Variants in VEZT observed in about 807,000 individuals in gnomAD.
VEZT encodes the protein vezatin.
VEZT carries 39 observed loss-of-function variants against 79.9 expected under a neutral mutation model. That is an observed-to-expected ratio of 0.49 (90% CI 0.38 to 0.64). The LOEUF (loss-of-function observed/expected upper bound fraction) is 0.64, where lower values mean the gene tolerates loss of function less well. Ranked by LOEUF, VEZT falls within the 30% of genes least tolerant of loss-of-function variation. The probability of loss-of-function intolerance (pLI) is 0.00; values close to 1 mark genes in which losing one functional copy is unlikely to be tolerated. For missense variants in VEZT, 837 were observed against 893.1 expected, an observed-to-expected ratio of 0.94 and a Z score of 0.80; for synonymous variants, 325 against 327.6, an observed-to-expected ratio of 0.99 and a Z score of 0.09.
intron 1 of VEZT, among the ~76,000 whole-genome samples, chr12:95,249,072 C>G (rs1177845482): frequency 6.6e-6 from 1 of 152,244 alleles, no homozygotes; most frequent in African/African-American, 2.4e-5. Context: ...TAGCCATACT[C>G]ATTAGTTTAT....
intron 6 of VEZT, among the ~76,000 whole-genome samples, chr12:95,271,675 G>A (rs1387397661): frequency 6.6e-6 from 1 of 152,204 alleles, no homozygotes; most frequent in Non-Finnish European, 1.5e-5. Context: ...ATCACTAGAC[G>A]TACAGTGGTA....
chr12:95,231,583 C>G (rs2059282987), intron 1 of VEZT: 2 of 151,906 alleles, frequency 1.3e-5, no homozygotes, highest in African/African-American at 4.8e-5. Flanking sequence ...TTTAATGGAC[C>G]CTTTTAGCTT....
rs2065556735 is a variant in VEZT at position 95,266,445 on chromosome 12, A to T, written c.523A>T (p.Ile175Phe). 1 of 1,613,708 alleles carries T rather than the reference A, an allele frequency of 6.2e-7. No homozygotes were observed. The highest frequency in any genetic ancestry group is 1.7e-5 in the Admixed American group (1 of 59,992). ...GTCTTCCTGGCTGGTATGGGGAGTG[A>T]TTCTATTTGTGTATCTGGTCATAAG... ...IVSSWLVWGV[I>F]LFVYLVIRAL... Residue 175 changes from isoleucine (I) to phenylalanine (F), a missense_variant, in exon 5 of 12, where the codon ATT becomes TTT. Physicochemically the swap from Ile to Phe is conservative, Grantham distance 21. Coordinates refer to ENST00000436874, the MANE Select transcript of VEZT (RefSeq NM_017599.4).
intron 7 of VEZT, among the ~76,000 whole-genome samples, chr12:95,281,580 G>A (rs1248854348): frequency 1.4e-5 from 2 of 147,386 alleles, no homozygotes; most frequent in Non-Finnish European, 3.0e-5. Flanking sequence ...GAGTCTTGCT[G>A]TGTCACCCAG....
chr12:95,245,529 T>C (rs1263808879), intron 1 of VEZT: 4 of 456,652 alleles, frequency 8.8e-6, no homozygotes, highest in Non-Finnish European at 1.8e-5. Flanking sequence ...TGCCTACATG[T>C]TGCCTGACAT....
chr12:95,224,579 C>T (rs372658839), intron 1 of VEZT, among the ~76,000 whole-genome samples: 1 of 152,196 alleles, frequency 6.6e-6, no homozygotes, highest in East Asian at 1.9e-4. Flanking sequence ...CTGTAACCCC[C>T]TCTACCCCTA....
intron 4 of VEZT, 112 bp from the exon 5 acceptor site, chr12:95,266,245 C>A: frequency 8.5e-7 from 1 of 1,180,694 alleles, no homozygotes. Context: ...AAGAAGCTAG[C>A]ATTTTATTTA....
intron 2 of VEZT, chr12:95,252,572 G>T (rs1419719474): frequency 2.0e-5 from 3 of 152,180 alleles, no homozygotes; most frequent in Admixed American, 2.0e-4. Context: ...TCGATGTCCA[G>T]CATTGAGGCC....
chr12:95,249,907 T>C (rs948842864), intron 1 of VEZT, among the ~76,000 whole-genome samples: 1 of 133,952 alleles, frequency 7.5e-6, no homozygotes, highest in African/African-American at 3.1e-5. Context: ...ATAAAAATAA[T>C]AATGATAATG....
In VEZT at chr12:95,257,167, A is replaced by C. The variant is rs2063600026; in HGVS notation, c.186A>C (p.Lys62Asn). The C allele has an allele frequency of 6.2e-7, 1 of 1,611,142 alleles. No individual in the cohort carries two copies. Among genetic ancestry groups the C allele is most frequent in the Non-Finnish European group, 8.5e-7 (1 of 1,178,776 alleles). Residue 62 changes from lysine to asparagine, a missense_variant, in exon 3 of 12, where the codon AAA (lysine) becomes AAC (asparagine). Physicochemically the swap from Lys to Asn is moderately conservative, Grantham distance 94 (BLOSUM62 0). Transcript: ENST00000436874. ...TCCTTCAGCAAGGTATCCTGTTAAA[A>C]GTGGCTGAAACCATCAAAAGTTGGA... Reference protein sequence around the residue: ...RVLPKQGILLKVAETIKSWIF... With the variant: ...RVLPKQGILLNVAETIKSWIF...
At chr12:95,236,070 G>T (rs1382474277) in intron 1 of VEZT, among the ~76,000 whole-genome samples, 1 of 152,126 alleles carries the variant, frequency 6.6e-6, no homozygotes, top group African/African-American at 2.4e-5. Context: ...GCCAAGGCAG[G>T]CGGCTGGGAG....
chr12:95,288,060 T>C (rs1207345114), intron 9 of VEZT, among the ~76,000 whole-genome samples: 1 of 152,194 alleles, frequency 6.6e-6, no homozygotes, highest in Admixed American at 6.5e-5. Flanking sequence ...TAAAAATGAA[T>C]ATGATTTGAA....
intron 1 of VEZT, among the ~76,000 whole-genome samples, chr12:95,235,514 C>T (rs1319605664): frequency 2.8e-5 from 4 of 143,022 alleles, no homozygotes; most frequent in Admixed American, 6.8e-5. Context: ...CCTCACCTCC[C>T]GGACGGGGCA....
chr12:95,223,328 T>C (rs546119612), intron 1 of VEZT, among the ~76,000 whole-genome samples: 1 of 152,238 alleles, frequency 6.6e-6, no homozygotes, highest in Non-Finnish European at 1.5e-5. Flanking sequence ...TTCAAAATTA[T>C]TGATATATTC....
chr12:95,251,755 T>C (rs1243576204), intron 1 of VEZT, among the ~76,000 whole-genome samples, 185 bp from the exon 2 acceptor site: 2 of 152,194 alleles, frequency 1.3e-5, no homozygotes, highest in Non-Finnish European at 2.9e-5. Context: ...CTCTGTTGAA[T>C]TGTTTGTTGA....
chr12:95,281,550 A>AT (rs35223035), intron 7 of VEZT, among the ~76,000 whole-genome samples: 17,301 of 145,278 alleles, frequency 0.12, 1,039 homozygotes, highest in Admixed American at 0.14. Flanking sequence ...TGGAGTATTG[A>AT]TTTTTTTTTT....
At chr12:95,284,185 C>T (rs1384621628) in intron 8 of VEZT, among the ~76,000 whole-genome samples, 1 of 152,216 alleles carries the variant, frequency 6.6e-6, no homozygotes, top group African/African-American at 2.4e-5. Context: ...TAATGTCTCT[C>T]ACCTTTCTAA....
chr12:95,263,494 G>GA (rs2064932687), intron 4 of VEZT, among the ~76,000 whole-genome samples: 1 of 152,076 alleles, frequency 6.6e-6, no homozygotes, highest in East Asian at 1.9e-4. Flanking sequence ...TACAAAACAT[G>GA]AAAAAATGAG....
At chr12:95,294,810 T>C (rs552015222) in intron 10 of VEZT, among the ~76,000 whole-genome samples, 1 of 152,358 alleles carries the variant, frequency 6.6e-6, no homozygotes, top group South Asian at 2.1e-4. Context: ...TTAGGTCATA[T>C]TATCTATTCA....
Sources: gnomAD v4.1 joint callset for allele counts (sites outside exome capture counted in the v4.1 genomes callset) on GRCh38, gnomAD v4.1.1 for gene constraint, MANE v1.5 for transcripts, NCBI Gene and HGNC (gene_info 2026-07-23, HGNC 2026-07-21) for gene names.